GALNS: variants seen among roughly 807,000 people sequenced by gnomAD.
The protein encoded by GALNS is N-acetylgalactosamine-6-sulfatase.
A neutral mutation model predicts 65.9 loss-of-function variants in GALNS; 65 were observed. The observed-to-expected ratio is 0.99, with a 90% CI of 0.81 to 1.21. The LOEUF (loss-of-function observed/expected upper bound fraction) is 1.21, where lower values mean the gene tolerates loss of function less well. Ranked by LOEUF, GALNS falls within the 50% of genes most tolerant of loss-of-function variation. The pLI, the probability that GALNS is intolerant of heterozygous loss-of-function variation, is 0.00. For synonymous variants in GALNS, 346 were observed against 288.9 expected (o/e 1.20, Z -2.00); for missense variants, 776 against 700.7 (o/e 1.11, Z -1.21).
chr16:88,836,632 T>C (rs2143001881), intron 5 of GALNS, among the ~76,000 whole-genome samples: 1 of 148,246 alleles, frequency 6.7e-6, no homozygotes, highest in East Asian at 2.0e-4. Context: ...CCACCCTGGG[T>C]GACAGAGCAA....
chr16:88,828,317 C>T (rs1028189054), intron 9 of GALNS, among the ~76,000 whole-genome samples: 32 of 152,218 alleles, frequency 2.1e-4, no homozygotes, highest in Non-Finnish European at 4.6e-4. Context: ...GCAGGGTCCT[C>T]GTGGAGCGTT....
intron 1 of GALNS, 163 bp downstream of exon 1, chr16:88,856,594 TC>T (rs1412307934): frequency 5.2e-4 from 86 of 163,974 alleles, no homozygotes; most frequent in Middle Eastern, 3.2e-3. Flanking sequence ...CCCCGTCCCC[TC>T]CCCCTCCTCC....
chr16:88,849,565 T>C (rs922860291), intron 1 of GALNS, among the ~76,000 whole-genome samples: 1 of 152,080 alleles, frequency 6.6e-6, no homozygotes, highest in Non-Finnish European at 1.5e-5. Flanking sequence ...GGATTACAGG[T>C]GTGAACCACC....
chr16:88,835,475 A>G, intron 7 of GALNS, 123 bp from the exon 8 acceptor site: 1 of 1,383,906 alleles, frequency 7.2e-7, no homozygotes, highest in Non-Finnish European at 1.0e-6. Flanking sequence ...CCACAGTGAA[A>G]CTGGCCGGCC....
intron 13 of GALNS, chr16:88,815,488 G>C: frequency 1.0e-6 from 1 of 985,498 alleles, no homozygotes; most frequent in Non-Finnish European, 1.2e-6. Context: ...GGACCTCACA[G>C]TGCAGCCTTG....
chr16:88,824,963 G>A, intron 10 of GALNS, 94 bp from the exon 11 acceptor site: 1 of 933,212 alleles, frequency 1.1e-6, no homozygotes, highest in Non-Finnish European at 1.7e-6. Flanking sequence ...AGTGGCTCAT[G>A]CCTCCACGTG....
intron 12 of GALNS, among the ~76,000 whole-genome samples, chr16:88,822,062 T>C (rs1910282431): frequency 6.6e-6 from 1 of 152,022 alleles, no homozygotes; most frequent in South Asian, 2.1e-4. Context: ...CCTAAGGAGC[T>C]GCCAGCAGGT....
chr16:88,841,067 C>G lies in GALNS; in HGVS notation c.347G>C (p.Gly116Ala), dbSNP rs1966945369. ...CAGGAGCTGCTCCGAGTCTGGGATG[C>G]CGCCCACAATCTCCTGCGGTGTGTA... ...NAYTPQEIVG[G>A]IPDSEQLLPE... Residue 116 changes from glycine to alanine, a missense_variant, in exon 4 of 14, where the codon GGC becomes GCC. By Grantham distance (60) the Gly-to-Ala change is moderately conservative. Transcript: ENST00000268695. 6.2e-7 allele frequency: 1 copy of G among 1,613,068 alleles called. No individual in the cohort carries two copies. Among genetic ancestry groups the G allele is most frequent in the Admixed American group, 1.7e-5 (1 of 60,006 alleles).
rs1909378879 is a variant in GALNS at position 88,814,066 on chromosome 16, C to G, written c.*373G>C. The G allele has an allele frequency of 5.3e-6, 2 of 378,684 alleles. No individual in the cohort carries two copies. Among genetic ancestry groups the G allele is most frequent in the African/African-American group, 4.1e-5 (2 of 48,220 alleles). The allele number at this position is 378,684 out of a possible 1,614,324, so 23.5% of individuals were successfully genotyped here. A position where few individuals can be genotyped will look rare whatever the true frequency, so the allele number is the denominator to read the frequency against. ...TATAAAGGCAAACTGTATCCCCAGCCACCTCAGGCACCTGTTGTCAGGACC... is the reference window on the plus strand; with the variant it reads ...TATAAAGGCAAACTGTATCCCCAGCGACCTCAGGCACCTGTTGTCAGGACC... On this transcript the variant is annotated 3_prime_UTR_variant, in exon 14 of 14. Transcript: ENST00000268695.
chr16:88,842,963 G>A, intron 1 of GALNS, 134 bp from the exon 2 acceptor site: 2 of 1,530,208 alleles, frequency 1.3e-6, no homozygotes, highest in Non-Finnish European at 1.8e-6. Flanking sequence ...GCCAGCGGCA[G>A]AGCTCGGCCA....
At chr16:88,832,418 C>T (rs1207021939) in intron 8 of GALNS, among the ~76,000 whole-genome samples, 1 of 152,216 alleles carries the variant, frequency 6.6e-6, no homozygotes, top group Non-Finnish European at 1.5e-5. Context: ...CAGCTGCCGA[C>T]TGGTGCTTCC....
At chr16:88,840,164 G>A (rs1966899075) in intron 4 of GALNS, among the ~76,000 whole-genome samples, 1 of 152,212 alleles carries the variant, frequency 6.6e-6, no homozygotes, top group Admixed American at 6.5e-5. Flanking sequence ...ATGATGAAGT[G>A]CTCCCTAGAC....
chr16:88,854,138 A>G (rs1302892444), intron 1 of GALNS, among the ~76,000 whole-genome samples: 2 of 152,148 alleles, frequency 1.3e-5, no homozygotes, highest in African/African-American at 2.4e-5. Flanking sequence ...CAAAATCTGA[A>G]CTTGAGACAT....
At chr16:88,840,834 A>C in intron 4 of GALNS, 158 bp downstream of exon 4, 1 of 696,058 alleles carries the variant, frequency 1.4e-6, no homozygotes, top group South Asian at 1.5e-5. Context: ...GCTGGCCTGC[A>C]CAGGGACGCT....
chr16:88,856,138 C>A lies in GALNS; in HGVS notation c.120+620G>T, dbSNP rs1006595889. ...GAGGCCTCCAGGCTGGCTGTGACCC[C>A]TGACCCCGCACTTGCCCACCAGGAG... On this transcript the variant is annotated intron_variant, in intron 1 of 13. Coordinates refer to ENST00000268695, the MANE Select transcript of GALNS (RefSeq NM_000512.5). 13 of 702,024 alleles carry A rather than the reference C, an allele frequency of 1.9e-5. No homozygotes were observed. The African/African-American group carries it at 2.1e-4, about 11-fold the overall frequency. The allele number at this position is 702,024 out of a possible 1,614,324, so 43.5% of individuals were successfully genotyped here.
At chr16:88,823,993 C>T (rs1275154391) in intron 11 of GALNS, among the ~76,000 whole-genome samples, 1 of 152,238 alleles carries the variant, frequency 6.6e-6, no homozygotes, top group African/African-American at 2.4e-5. Context: ...GCCCTCCAGA[C>T]ACTGCCCCAC....
intron 10 of GALNS, among the ~76,000 whole-genome samples, chr16:88,825,623 G>A (rs1442233100): frequency 6.6e-6 from 1 of 151,866 alleles, no homozygotes; most frequent in Non-Finnish European, 1.5e-5. Context: ...GGGCGGCCGG[G>A]GCTAGGGTGC....
Position 88,855,040 on chromosome 16 carries a change from C to G in GALNS, c.120+1718G>C, listed in dbSNP as rs1967722811. ...CCCCTCCACCCTGCACGGCCTGAAC[C>G]CTTGCTGTCCTATGGAAACGTAGGG... On this transcript the variant is annotated intron_variant, in intron 1 of 13. Transcript: ENST00000268695. The G allele has an allele frequency of 8.0e-6, 3 of 375,772 alleles. No individual in the cohort carries two copies. The Admixed American group carries it at 1.0e-4, about 13-fold the overall frequency. The allele number at this position is 375,772 out of a possible 1,614,324, so 23.3% of individuals were successfully genotyped here. A position where few individuals can be genotyped will look rare whatever the true frequency, so the allele number is the denominator to read the frequency against.
chr16:88,847,010 G>C (rs1967276525), intron 1 of GALNS, among the ~76,000 whole-genome samples: 1 of 152,140 alleles, frequency 6.6e-6, no homozygotes, highest in South Asian at 2.1e-4. Flanking sequence ...GGACGGCAGG[G>C]AGGGAAAACC....
Sources: gnomAD v4.1 joint callset for allele counts (sites outside exome capture counted in the v4.1 genomes callset) on GRCh38, gnomAD v4.1.1 for gene constraint, MANE v1.5 for transcripts, NCBI Gene and HGNC (gene_info 2026-07-23, HGNC 2026-07-21) for gene names.